Variants in ELFN1 observed in about 807,000 individuals in gnomAD.
ELFN1 encodes the protein extracellular leucine rich repeat and fibronectin type III domain containing 1.
A neutral mutation model predicts 7.6 loss-of-function variants in ELFN1; 6 were observed. The observed-to-expected ratio is 0.79, with a 90% CI of 0.43 to 1.56. The LOEUF (loss-of-function observed/expected upper bound fraction) is 1.56. Among genes scored for constraint, ELFN1 ranks in the 40% most tolerant of loss-of-function variants. The probability of loss-of-function intolerance (pLI) is 0.01; values close to 1 mark genes in which losing one functional copy is unlikely to be tolerated. For synonymous variants in ELFN1, 657 were observed against 588.1 expected, an observed-to-expected ratio of 1.12 and a Z score of -1.70; for missense variants, 1,169 against 1,232.2, an observed-to-expected ratio of 0.95 and a Z score of 0.77.
chr7:1,668,836 C>T (rs2128571641), upstream of ELFN1, among the ~76,000 whole-genome samples: 1 of 152,366 alleles, frequency 6.6e-6, no homozygotes, highest in African/African-American at 2.4e-5. Context: ...TCCAAACCAC[C>T]GGTGCCCTTC....
intron 2 of ELFN1, among the ~76,000 whole-genome samples, chr7:1,700,310 T>A (rs900471770): frequency 6.6e-6 from 1 of 152,232 alleles, no homozygotes; most frequent in South Asian, 2.1e-4. Flanking sequence ...GGTGAAGACG[T>A]AGAATGCTGG....
intron 2 of ELFN1, chr7:1,694,009 C>T (rs541698986): frequency 1.3e-3 from 481 of 362,294 alleles, no homozygotes; most frequent in African/African-American, 9.7e-3. Context: ...GTCCGTGCAC[C>T]GACGCTTAGA....
chr7:1,739,306 T>G lies in ELFN1; in HGVS notation c.-293-4998T>G, dbSNP rs1780541762. ...GGCGGTCGTGGTGGGAGTGGAGTGA[T>G]TCCAGATGCTTCTGCAGGTGGATTA... On this transcript the variant is annotated intron_variant, in intron 3 of 3. Coordinates refer to ENST00000424383, the MANE Select transcript of ELFN1 (RefSeq NM_001128636.4). The surrounding 1 kb of genome is among the most constrained non-coding windows in gnomAD (Gnocchi z 4.6). The G allele has an allele frequency of 6.6e-6, 1 of 152,234 alleles. No homozygotes were observed. The highest frequency in any genetic ancestry group is 2.4e-5 in the African/African-American group (1 of 41,388). 9.4% of individuals were successfully genotyped at this position (152,234 alleles called of 1,614,324 possible). A position where few individuals can be genotyped will look rare whatever the true frequency, so the allele number is the denominator to read the frequency against.
At chr7:1,718,470 G>A (rs1779902485) in intron 3 of ELFN1, among the ~76,000 whole-genome samples, 1 of 152,140 alleles carries the variant, frequency 6.6e-6, no homozygotes, top group South Asian at 2.1e-4. Flanking sequence ...CCCTCTCCTT[G>A]GTCCTGGCCG....
At chr7:1,714,392 C>A (rs527883944) in intron 3 of ELFN1, among the ~76,000 whole-genome samples, 2 of 152,328 alleles carry the variant, frequency 1.3e-5, no homozygotes, top group African/African-American at 4.8e-5. Context: ...CGTTCACCAC[C>A]CCCCACACCA....
intron 1 of ELFN1, among the ~76,000 whole-genome samples, chr7:1,677,989 C>T (rs933137902): frequency 6.6e-6 from 1 of 152,094 alleles, no homozygotes; most frequent in African/African-American, 2.4e-5. Context: ...ATTACATTGT[C>T]CCCACAGAGC....
In ELFN1 at chr7:1,746,592, G is replaced by A. The variant is rs2128607244; in HGVS notation, c.1996G>A (p.Glu666Lys). 5 of 1,346,176 alleles carry A rather than the reference G, an allele frequency of 3.7e-6. No homozygotes were observed. Among genetic ancestry groups the A allele is most frequent in the Non-Finnish European group, 4.7e-6 (5 of 1,053,106 alleles). 83.4% of individuals were successfully genotyped at this position (1,346,176 alleles called of 1,614,324 possible). ...CGGGGTGCACAAGGCCGCGGCCGCC[G>A]AGGCCAAGTACATCGAGAAGGGCTC... Reference protein sequence around the residue: ...AVGVHKAAAAEAKYIEKGSPA... With the variant: ...AVGVHKAAAAKAKYIEKGSPA... Residue 666 changes from glutamate (E) to lysine (K), a missense_variant, in exon 4 of 4, where the codon GAG (glutamate) becomes AAG (lysine). Glu to Lys is a moderately conservative substitution (Grantham distance 56). Around this residue, in one of 2 missense-constraint regions of ELFN1, gnomAD observed 914 missense variants for 872.6 expected, o/e 1.05. Coordinates refer to ENST00000424383, the MANE Select transcript of ELFN1 (RefSeq NM_001128636.4).
At chr7:1,711,575 TGAGAGAGAGAGAGAGAGAGAGAGA>T (rs55658122) in intron 3 of ELFN1, among the ~76,000 whole-genome samples, 41 of 87,578 alleles carry the variant, frequency 4.7e-4, no homozygotes, top group Middle Eastern at 0.01. Context: ...AGCGAGAGAG[TGAGAGAGAGAGAGAGAGAGAGAGA>T]GAGAGAGAGA....
At chr7:1,696,972 C>T (rs372070975) in intron 2 of ELFN1, among the ~76,000 whole-genome samples, 1 of 152,228 alleles carries the variant, frequency 6.6e-6, no homozygotes, top group African/African-American at 2.4e-5. Flanking sequence ...AGGGACTGCT[C>T]GTCCCCTTTC....
At chr7:1,697,982 C>G (rs527803224) in intron 2 of ELFN1, among the ~76,000 whole-genome samples, 3 of 152,160 alleles carry the variant, frequency 2.0e-5, no homozygotes, top group East Asian at 3.9e-4. Context: ...CAGAGCCGGC[C>G]GGCGGGCGGG....
At chr7:1,678,746 CTCTG>C (rs969208619) in intron 1 of ELFN1, among the ~76,000 whole-genome samples, 1 of 152,258 alleles carries the variant, frequency 6.6e-6, no homozygotes, top group African/African-American at 2.4e-5. Flanking sequence ...TCACTTTGCC[CTCTG>C]TCTGCCCACG....
chr7:1,692,947 A>G (rs952980977), intron 2 of ELFN1: 8 of 227,438 alleles, frequency 3.5e-5, no homozygotes, highest in Admixed American at 3.4e-4. Context: ...GGACCTCACA[A>G]GGCAGGCCTG....
At chr7:1,692,160 TCA>T (rs1244052908) in intron 2 of ELFN1, 2 of 152,358 alleles carry the variant, frequency 1.3e-5, no homozygotes, top group African/African-American at 2.4e-5. Flanking sequence ...CTGCTGGGCC[TCA>T]GTTTCTCCAC....
At chr7:1,687,144 T>C (rs1779075210) in intron 1 of ELFN1, among the ~76,000 whole-genome samples, 1 of 152,076 alleles carries the variant, frequency 6.6e-6, no homozygotes, top group Non-Finnish European at 1.5e-5. Context: ...CGGGGGGAGA[T>C]GGGAGAGCTT....
intron 2 of ELFN1, among the ~76,000 whole-genome samples, chr7:1,699,668 A>T (rs1779386210): frequency 6.6e-6 from 1 of 152,250 alleles, no homozygotes; most frequent in South Asian, 2.1e-4. Context: ...GCCACAGTCA[A>T]GAATAATAAG....
At chr7:1,681,152 T>A (rs1172888345) in intron 1 of ELFN1, among the ~76,000 whole-genome samples, 1 of 152,252 alleles carries the variant, frequency 6.6e-6, no homozygotes, top group East Asian at 1.9e-4. Context: ...TGAGGTTCAG[T>A]CATCTTATAG....
chr7:1,743,862 C>T (rs772787218), intron 3 of ELFN1, among the ~76,000 whole-genome samples: 5 of 152,210 alleles, frequency 3.3e-5, no homozygotes, highest in Non-Finnish European at 5.9e-5. Context: ...CGCAGCCAGC[C>T]GGCGGAAGCC....
intron 2 of ELFN1, among the ~76,000 whole-genome samples, chr7:1,691,426 C>T (rs969949078): frequency 6.6e-6 from 1 of 152,214 alleles, no homozygotes; most frequent in Non-Finnish European, 1.5e-5. Flanking sequence ...TGGCACTAAA[C>T]GTTAGGCCCT....
At chr7:1,685,729 G>A (rs141616488) in intron 1 of ELFN1, among the ~76,000 whole-genome samples, 156 of 150,234 alleles carry the variant, frequency 1.0e-3, no homozygotes, top group Admixed American at 3.5e-3. Context: ...ACACATAGTT[G>A]TCTTTATTTC....
Sources: gnomAD v4.1 joint callset for allele counts (sites outside exome capture counted in the v4.1 genomes callset) on GRCh38, gnomAD v4.1.1 for gene constraint, gnomAD v4.1.1 regional missense constraint, Gnocchi (gnomAD v3.1) non-coding constraint, MANE v1.5 for transcripts, NCBI Gene and HGNC (gene_info 2026-07-23, HGNC 2026-07-21) for gene names.